CPQ: variants seen among roughly 807,000 people sequenced by gnomAD.
The protein encoded by CPQ is carboxypeptidase Q, also known as Ser-Met dipeptidase.
Under a neutral mutation model 45.7 loss-of-function variants are expected in CPQ, and 37 were observed. The ratio of observed to expected loss-of-function variants is 0.81; its 90% CI spans 0.62 to 1.07. CPQ has a LOEUF of 1.07. CPQ is among the 50% of genes least tolerant of loss of function. The probability of loss-of-function intolerance (pLI) is 0.00; values close to 1 mark genes in which losing one functional copy is unlikely to be tolerated. For missense variants in CPQ, 537 were observed against 572.9 expected (o/e 0.94, Z 0.64); for synonymous variants, 186 against 205.8 (o/e 0.90, Z 0.82).
At position 96,800,348 on chromosome 8, in the gene CPQ, G is replaced by A. The variant is rs186536659; in HGVS notation, c.433+15018G>A. On this transcript the variant is annotated intron_variant, in intron 2 of 7. Transcript: ENST00000220763. ...TGTATTAATAAAATGTGTTGGCAGG[G>A]CTGTGAAGACGTAGGCACCCTCATG... 5.9e-5 allele frequency among the ~76,000 whole-genome samples: 9 copies of A among 152,288 alleles called. No individual in the cohort carries two copies. The East Asian group carries it at 1.7e-3, about 29-fold the overall frequency.
At chr8:97,123,142 ATAAAATAAAT>A in intron 7 of CPQ, among the ~76,000 whole-genome samples, 1 of 105,046 alleles carries the variant, frequency 9.5e-6, no homozygotes, top group Non-Finnish European at 1.8e-5. Flanking sequence ...ATAAAATAAA[ATAAAATAAAT>A]AAAATAAAAT....
At chr8:96,769,626 ATTTTTTTT>A (rs34672966) in intron 1 of CPQ, among the ~76,000 whole-genome samples, 10 of 112,666 alleles carry the variant, frequency 8.9e-5, no homozygotes, top group Admixed American at 3.7e-4. Flanking sequence ...TGTTTACTGG[ATTTTTTTT>A]TTTTTTTTTT....
intron 2 of CPQ, among the ~76,000 whole-genome samples, chr8:96,792,288 C>A (rs915987831): frequency 2.6e-5 from 4 of 152,068 alleles, no homozygotes; most frequent in African/African-American, 9.7e-5. Flanking sequence ...TTTGAATGGA[C>A]CAAGTAAAAG....
chr8:96,833,641 T>C (rs1432545957), intron 2 of CPQ, among the ~76,000 whole-genome samples: 2 of 152,236 alleles, frequency 1.3e-5, no homozygotes, highest in South Asian at 2.1e-4. Flanking sequence ...TTTTTATGTA[T>C]GCATATTATA....
chr8:96,969,661 A>G, intron 5 of CPQ, among the ~76,000 whole-genome samples: 1 of 152,146 alleles, frequency 6.6e-6, no homozygotes. Context: ...TGAGAAGAAA[A>G]TTGTTGACAG....
chr8:97,140,413 T>A (rs544616083), intron 7 of CPQ, among the ~76,000 whole-genome samples: 4 of 152,020 alleles, frequency 2.6e-5, no homozygotes, highest in African/African-American at 7.2e-5. Flanking sequence ...ACATCCTTGA[T>A]ACTAAAACTG....
intron 1 of CPQ, among the ~76,000 whole-genome samples, chr8:96,734,078 C>T (rs544592036): frequency 3.3e-5 from 5 of 152,148 alleles, no homozygotes; most frequent in South Asian, 2.1e-4. Flanking sequence ...AATTACAGTG[C>T]GCACAGCTGT....
intron 7 of CPQ, among the ~76,000 whole-genome samples, chr8:97,106,219 T>C (rs545877280): frequency 4.0e-4 from 61 of 152,372 alleles, no homozygotes; most frequent in African/African-American, 1.4e-3. Flanking sequence ...GACCAGGCAC[T>C]GTTCTTACCT....
chr8:96,693,269 G>A (rs1809327786), intron 1 of CPQ, among the ~76,000 whole-genome samples: 1 of 151,052 alleles, frequency 6.6e-6, no homozygotes, highest in African/African-American at 2.4e-5. Context: ...GGGGAGAGAG[G>A]GAGAGAGAGA....
At chr8:97,119,328 C>CAAAAA (rs34998181) in intron 7 of CPQ, among the ~76,000 whole-genome samples, 7 of 72,286 alleles carry the variant, frequency 9.7e-5, no homozygotes, top group Non-Finnish European at 5.7e-5. Context: ...GACTCCATCT[C>CAAAAA]AAAAAAAAAA....
intron 7 of CPQ, among the ~76,000 whole-genome samples, chr8:97,117,311 A>C (rs1431886): frequency 0.13 from 19,101 of 152,024 alleles, 1,384 homozygotes; most frequent in African/African-American, 0.18. Context: ...GTTAGTTGTC[A>C]ATTCATTCAA....
chr8:96,703,408 T>C (rs1463989720), intron 1 of CPQ, among the ~76,000 whole-genome samples: 5 of 152,164 alleles, frequency 3.3e-5, no homozygotes, highest in African/African-American at 4.8e-5. Flanking sequence ...TAGTCAGTGC[T>C]CCATAAATGC....
chr8:97,038,781 A>C (rs1486456498), intron 6 of CPQ, among the ~76,000 whole-genome samples: 1 of 149,854 alleles, frequency 6.7e-6, no homozygotes, highest in Non-Finnish European at 1.5e-5. Context: ...CATGGGCAAA[A>C]CTAGACAAAT....
chr8:96,817,104 A>G (rs1460479382), intron 2 of CPQ, among the ~76,000 whole-genome samples: 1 of 152,156 alleles, frequency 6.6e-6, no homozygotes, highest in Non-Finnish European at 1.5e-5. Flanking sequence ...CTAGCTATGA[A>G]AGTTCTAGAT....
intron 6 of CPQ, among the ~76,000 whole-genome samples, chr8:97,053,138 A>G (rs924572896): frequency 6.6e-6 from 1 of 152,194 alleles, no homozygotes; most frequent in Non-Finnish European, 1.5e-5. Flanking sequence ...CACATATACA[A>G]ATATACACAC....
chr8:96,874,246 G>A (rs1007533708), intron 3 of CPQ, among the ~76,000 whole-genome samples: 1 of 151,694 alleles, frequency 6.6e-6, no homozygotes, highest in South Asian at 2.1e-4. Context: ...TAGATACTAG[G>A]ATTCTCTCCT....
chr8:96,892,266 A>T (rs972282863), intron 4 of CPQ, among the ~76,000 whole-genome samples: 13 of 152,356 alleles, frequency 8.5e-5, no homozygotes, highest in African/African-American at 2.9e-4. Flanking sequence ...GGCCTGGTGG[A>T]TAAACTCATT....
intron 1 of CPQ, among the ~76,000 whole-genome samples, chr8:96,710,780 G>T (rs1329268111): frequency 1.3e-5 from 2 of 152,138 alleles, no homozygotes; most frequent in African/African-American, 4.8e-5. Context: ...GGTCTATCTT[G>T]GAGAATGTTC....
intron 1 of CPQ, among the ~76,000 whole-genome samples, chr8:96,747,245 C>T (rs1810198892): frequency 6.6e-6 from 1 of 151,118 alleles, no homozygotes; most frequent in African/African-American, 2.4e-5. Flanking sequence ...GAGCAGAGAT[C>T]CTCTCACTGC....
Sources: gnomAD v4.1 joint callset for allele counts (sites outside exome capture counted in the v4.1 genomes callset) on GRCh38, gnomAD v4.1.1 for gene constraint, MANE v1.5 for transcripts, NCBI Gene and HGNC (gene_info 2026-07-23, HGNC 2026-07-21) for gene names.